CCDC178: variants seen among roughly 807,000 people sequenced by gnomAD.
The protein encoded by CCDC178 is coiled-coil domain containing 178.
In CCDC178, 126 loss-of-function variants were observed where a neutral mutation model predicts 117.4. The observed-to-expected ratio is 1.07, with a 90% confidence interval of 0.93 to 1.24. The LOEUF (loss-of-function observed/expected upper bound fraction) is 1.24. Among genes scored for constraint, CCDC178 ranks in the 50% most tolerant of loss-of-function variants. CCDC178 has a pLI of 0.00. For missense variants in CCDC178, 1,030 were observed against 986.9 expected (o/e 1.04, Z -0.59); for synonymous variants, 283 against 313.4 (o/e 0.90, Z 1.02).
chr18:33,287,226 T>C (rs190838185), intron 12 of CCDC178, among the ~76,000 whole-genome samples: 97 of 152,336 alleles, frequency 6.4e-4, no homozygotes, highest in African/African-American at 2.1e-3. Flanking sequence ...TATTTTTCTC[T>C]TGAACTGGGA....
At position 33,266,824 on chromosome 18, in the gene CCDC178, C is replaced by T. The variant is rs562096205; in HGVS notation, c.1409+92G>A. On this transcript the variant is annotated intron_variant, in intron 14 of 22. Coordinates refer to ENST00000383096, the MANE Select transcript of CCDC178 (RefSeq NM_001105528.4). ...AAGCTACTGATAAACAAAAACACCA[C>T]CATATAACTCCAGGGACACAAACTG... The T allele has an allele frequency of 5.7e-5, 69 of 1,211,260 alleles. 1 individual carries two copies. The highest frequency in any genetic ancestry group is 6.5e-5 in the Non-Finnish European group (58 of 895,148). 75.0% of individuals were successfully genotyped at this position (1,211,260 alleles called of 1,614,324 possible).
chr18:32,982,328 A>G (rs2055170494), intron 21 of CCDC178, among the ~76,000 whole-genome samples: 1 of 152,188 alleles, frequency 6.6e-6, no homozygotes, highest in Non-Finnish European at 1.5e-5. Flanking sequence ...TAATTAAAAT[A>G]CAAATACCAT....
intron 15 of CCDC178, among the ~76,000 whole-genome samples, chr18:33,239,412 T>C (rs760094808): frequency 6.6e-6 from 1 of 151,210 alleles, no homozygotes; most frequent in Non-Finnish European, 1.5e-5. Context: ...ATAGACCAAC[T>C]GGATTGACTA....
At chr18:33,312,059 T>G (rs898578229) in intron 11 of CCDC178, among the ~76,000 whole-genome samples, 1 of 152,180 alleles carries the variant, frequency 6.6e-6, no homozygotes, top group Non-Finnish European at 1.5e-5. Flanking sequence ...CCCTATCATC[T>G]CTGTTAAGAA....
intron 20 of CCDC178, among the ~76,000 whole-genome samples, chr18:33,135,494 C>G (rs1158300397): frequency 6.6e-6 from 1 of 151,946 alleles, no homozygotes; most frequent in East Asian, 1.9e-4. Context: ...TTTGCTGATA[C>G]AAAAGTAACT....
At chr18:33,134,154 T>C (rs1278123806) in intron 20 of CCDC178, among the ~76,000 whole-genome samples, 2 of 151,974 alleles carry the variant, frequency 1.3e-5, no homozygotes, top group Non-Finnish European at 2.9e-5. Context: ...TATAATAATT[T>C]TAGGTCTCCA....
At chr18:33,425,445 T>C (rs548516221) in intron 2 of CCDC178, among the ~76,000 whole-genome samples, 4 of 152,306 alleles carry the variant, frequency 2.6e-5, no homozygotes, top group Non-Finnish European at 4.4e-5. Flanking sequence ...TCTCTTTTTA[T>C]AGTCATTTCA....
chr18:33,061,392 A>G (rs1453067656), intron 21 of CCDC178, among the ~76,000 whole-genome samples: 1 of 152,160 alleles, frequency 6.6e-6, no homozygotes, highest in African/African-American at 2.4e-5. Flanking sequence ...AAAAAATAAT[A>G]CATAAATTTT....
intron 20 of CCDC178, among the ~76,000 whole-genome samples, chr18:33,174,996 C>T (rs188038785): frequency 3.3e-5 from 5 of 151,752 alleles, no homozygotes; most frequent in African/African-American, 7.2e-5. Flanking sequence ...CTGGGAGTAC[C>T]GGTGCCTGCT....
At chr18:33,009,126 C>A (rs927675452) in intron 21 of CCDC178, among the ~76,000 whole-genome samples, 1 of 151,906 alleles carries the variant, frequency 6.6e-6, no homozygotes, top group African/African-American at 2.4e-5. Flanking sequence ...TAAAATATAC[C>A]CTGAATTTGA....
chr18:33,083,424 CA>C (rs2057328372), intron 21 of CCDC178, among the ~76,000 whole-genome samples: 2 of 152,200 alleles, frequency 1.3e-5, no homozygotes, highest in Admixed American at 1.3e-4. Flanking sequence ...TTTCAAAGTA[CA>C]ATATCACCAT....
chr18:32,987,718 C>A (rs2055292570), intron 21 of CCDC178, among the ~76,000 whole-genome samples: 1 of 152,212 alleles, frequency 6.6e-6, no homozygotes, highest in South Asian at 2.1e-4. Flanking sequence ...TTCCTGACAA[C>A]AAAACAACTA....
chr18:33,394,397 A>C (rs1426299839), intron 4 of CCDC178, among the ~76,000 whole-genome samples: 3 of 152,042 alleles, frequency 2.0e-5, no homozygotes, highest in Non-Finnish European at 4.4e-5. Context: ...CAAAGTTAGC[A>C]AGTGATAGAA....
At chr18:33,315,149 A>G (rs1599147840) in intron 11 of CCDC178, among the ~76,000 whole-genome samples, 1 of 152,222 alleles carries the variant, frequency 6.6e-6, no homozygotes, top group Middle Eastern at 3.4e-3. Flanking sequence ...AGGTATAGAA[A>G]TTCTAGCCTA....
At chr18:33,236,323 T>C (rs184492890) in intron 15 of CCDC178, among the ~76,000 whole-genome samples, 1 of 152,250 alleles carries the variant, frequency 6.6e-6, no homozygotes, top group Admixed American at 6.5e-5. Context: ...CAGGCAAAAA[T>C]TACAAACTTG....
intron 21 of CCDC178, among the ~76,000 whole-genome samples, chr18:32,997,575 G>T (rs1441795223): frequency 6.6e-6 from 1 of 151,870 alleles, no homozygotes; most frequent in African/African-American, 2.4e-5. Context: ...TCTCTCTCTT[G>T]TTCTCTCTTT....
intron 20 of CCDC178, among the ~76,000 whole-genome samples, chr18:33,124,543 G>GTAA (rs1360544063): frequency 1.3e-5 from 2 of 152,128 alleles, no homozygotes. Context: ...ACATTTGTGA[G>GTAA]TAATGATAAC....
chr18:33,318,671 C>T (rs775751226), intron 11 of CCDC178, among the ~76,000 whole-genome samples: 8 of 151,920 alleles, frequency 5.3e-5, no homozygotes, highest in African/African-American at 1.7e-4. Context: ...AGAAACAAGA[C>T]GACTAACAAA....
intron 20 of CCDC178, among the ~76,000 whole-genome samples, chr18:33,138,415 G>C (rs770919715): frequency 1.2e-4 from 18 of 152,096 alleles, no homozygotes; most frequent in Non-Finnish European, 2.2e-4. Context: ...TAACAAGTAG[G>C]CCTCACTTCC....
Sources: allele counts gnomAD v4.1 joint callset (sites outside exome capture counted in the v4.1 genomes callset), GRCh38; gene constraint gnomAD v4.1.1; transcripts MANE v1.5; gene names NCBI Gene and HGNC (gene_info 2026-07-23, HGNC 2026-07-21).